Variants in TACC2 observed in about 807,000 individuals in gnomAD.
The protein encoded by TACC2 is transforming acidic coiled-coil containing protein 2, also known as transforming acidic coiled-coil-containing protein 2.
Under a neutral mutation model 227.3 loss-of-function variants are expected in TACC2, and 137 were observed. The ratio of observed to expected loss-of-function variants is 0.60; its 90% confidence interval spans 0.52 to 0.69. TACC2 has a LOEUF of 0.69. Among genes scored for constraint, TACC2 ranks in the 30% least tolerant of loss-of-function variants. The pLI is 0.00. For missense variants in TACC2, 3,470 were observed against 3,694.4 expected (o/e 0.94, Z 1.57); for synonymous variants, 1,523 against 1,487.5 (o/e 1.02, Z -0.55).
intron 5 of TACC2, among the ~76,000 whole-genome samples, chr10:122,128,651 T>G (rs1186691697): frequency 6.6e-6 from 1 of 152,192 alleles, no homozygotes; most frequent in Non-Finnish European, 1.5e-5. Flanking sequence ...TTTCACTGAG[T>G]TATACATGGA....
chr10:122,080,841 C>T (rs2079393951), intron 3 of TACC2, among the ~76,000 whole-genome samples: 1 of 152,178 alleles, frequency 6.6e-6, no homozygotes, highest in East Asian at 1.9e-4. Context: ...CCACTAGCCC[C>T]CTCCAGAACG....
Position 122,039,631 on chromosome 10 carries a change from C to G in TACC2, c.34-10807C>G, listed in dbSNP as rs189991725. 4.4e-3 allele frequency among the ~76,000 whole-genome samples: 676 copies of G among 152,258 alleles called. 2 individuals are homozygous for G. Among genetic ancestry groups the G allele is most frequent in the Non-Finnish European group, 4.9e-3 (334 of 68,028 alleles). On this transcript the variant is annotated intron_variant, in intron 2 of 22. Coordinates refer to ENST00000369005, the MANE Select transcript of TACC2 (RefSeq NM_206862.4). Reference sequence around the variant, plus strand: ...ACAACAGGACCTCTCCTCGGAGCCTCTAGGCAGTGAGCCGGCAGTTTATTT... The same window carrying G: ...ACAACAGGACCTCTCCTCGGAGCCTGTAGGCAGTGAGCCGGCAGTTTATTT...
chr10:122,003,803 CT>C (rs1954717338), intron 1 of TACC2, among the ~76,000 whole-genome samples: 1 of 151,912 alleles, frequency 6.6e-6, no homozygotes, highest in South Asian at 2.1e-4. Context: ...CTACAGGTGC[CT>C]GCCACCATGC....
At chr10:122,163,479 T>G in intron 7 of TACC2, 1 of 785,726 alleles carries the variant, frequency 1.3e-6, no homozygotes, top group Non-Finnish European at 1.5e-6. Flanking sequence ...GGTCTTCGCC[T>G]CCCCACCCCC....
chr10:122,063,755 T>G (rs2077087795), intron 3 of TACC2, among the ~76,000 whole-genome samples: 1 of 151,770 alleles, frequency 6.6e-6, no homozygotes, highest in Non-Finnish European at 1.5e-5. Context: ...CTATATTTTG[T>G]TAGGTGGTAT....
rs530514027 is a variant in TACC2 at position 121,998,555 on chromosome 10, G to A, written c.-46+9067G>A. Among the ~76,000 whole-genome samples, 305 of 152,216 alleles carry A rather than the reference G, an allele frequency of 2.0e-3. 4 individuals are homozygous for A. Among genetic ancestry groups the A allele is most frequent in the Non-Finnish European group, 2.9e-3 (197 of 68,008 alleles). On this transcript the variant is annotated intron_variant, in intron 1 of 22. Transcript: ENST00000369005. ...TCAAGATAGCCACCACCTTGCCAACGTTTCGTAAGTGTTATTAATGAGGGT... is the reference window on the plus strand; with the variant it reads ...TCAAGATAGCCACCACCTTGCCAACATTTCGTAAGTGTTATTAATGAGGGT...
In TACC2 at chr10:122,180,110, C is replaced by T. The variant is rs189615756; in HGVS notation, c.5835-14930C>T. ...CAAAAAAACAGGCGAGTCCTTTCCC[C>T]GTGTAACCCTCAGTGGCTTTCAGAC... On this transcript the variant is annotated intron_variant, in intron 7 of 22. Coordinates refer to ENST00000369005, the MANE Select transcript of TACC2 (RefSeq NM_206862.4). The surrounding 1 kb of genome is among the most constrained non-coding windows in gnomAD (Gnocchi z 4.5). Among the ~76,000 whole-genome samples, 267 of 151,900 alleles carry T rather than the reference C, an allele frequency of 1.8e-3. No homozygotes were observed. The highest frequency in any genetic ancestry group is 5.9e-3 in the African/African-American group (243 of 41,416).
chr10:122,105,537 G>T (rs1294171577), intron 5 of TACC2, among the ~76,000 whole-genome samples: 1 of 151,990 alleles, frequency 6.6e-6, no homozygotes, highest in Non-Finnish European at 1.5e-5. Flanking sequence ...ACTGTACCTG[G>T]TGTCTGCTGG....
At chr10:122,115,487 A>C (rs996718396) in intron 5 of TACC2, among the ~76,000 whole-genome samples, 1 of 152,164 alleles carries the variant, frequency 6.6e-6, no homozygotes, top group African/African-American at 2.4e-5. Flanking sequence ...GGAGGATGCT[A>C]TTGGCGTCTA....
chr10:122,040,354 G>A (rs1300601768), intron 2 of TACC2, among the ~76,000 whole-genome samples: 1 of 152,158 alleles, frequency 6.6e-6, no homozygotes, highest in African/African-American at 2.4e-5. Context: ...GATGAGAGCT[G>A]TCTCCACTCG....
intron 8 of TACC2, among the ~76,000 whole-genome samples, chr10:122,207,413 A>G (rs752679408): frequency 6.6e-6 from 1 of 152,164 alleles, no homozygotes; most frequent in Non-Finnish European, 1.5e-5. Context: ...AACCAACACA[A>G]TAAGACAGCC....
Position 122,209,687 on chromosome 10 carries a change from ATTGT to A in TACC2, c.5972-699_5972-696del, listed in dbSNP as rs557785823. Among the ~76,000 whole-genome samples the A allele has an allele frequency of 2.8e-4, 42 of 151,930 alleles. No homozygotes were observed. The highest frequency in any genetic ancestry group is 3.4e-3 in the Middle Eastern group (1 of 292). ...TGTATCACCCTCTGAAATTCTGTAC[ATTGT>A]TTGTTTGTTTTTGAGACAGAGTCTC... is the stretch of plus-strand genomic sequence containing the variant. On this transcript the variant is annotated intron_variant, in intron 8 of 22. Coordinates refer to ENST00000369005, the MANE Select transcript of TACC2 (RefSeq NM_206862.4). The surrounding 1 kb of genome is among the most constrained non-coding windows in gnomAD (Gnocchi z 4.5).
At chr10:122,168,437 G>T (rs1388642321) in intron 7 of TACC2, among the ~76,000 whole-genome samples, 1 of 152,156 alleles carries the variant, frequency 6.6e-6, no homozygotes, top group East Asian at 1.9e-4. Flanking sequence ...AAGCTTGGGT[G>T]CATTTTTCCC....
intron 8 of TACC2, among the ~76,000 whole-genome samples, chr10:122,204,389 C>G (rs1797030324): frequency 6.6e-6 from 1 of 152,192 alleles, no homozygotes. Context: ...AGCCCTTGTG[C>G]TGATGCTGGG....
intron 1 of TACC2, among the ~76,000 whole-genome samples, chr10:122,015,525 A>G (rs2420981): frequency 0.053 from 6,953 of 132,178 alleles, 183 homozygotes; most frequent in Middle Eastern, 0.091. Context: ...ATAAAGAAAC[A>G]AAAAAACTCA....
chr10:122,208,631 C>G (rs568547780), intron 8 of TACC2, among the ~76,000 whole-genome samples: 1 of 152,158 alleles, frequency 6.6e-6, no homozygotes, highest in Admixed American at 6.5e-5. Context: ...AAAGAATCAT[C>G]GAGACATGGG....
At chr10:122,043,662 C>G (rs2074629909) in intron 2 of TACC2, among the ~76,000 whole-genome samples, 1 of 152,080 alleles carries the variant, frequency 6.6e-6, no homozygotes, top group Non-Finnish European at 1.5e-5. Context: ...TTACTGCAAC[C>G]TCCACCTCCC....
chr10:122,008,504 C>T (rs917879198), intron 1 of TACC2, among the ~76,000 whole-genome samples: 1 of 151,928 alleles, frequency 6.6e-6, no homozygotes, highest in African/African-American at 2.4e-5. Context: ...AGGTGATCTG[C>T]CCGCCTTGGC....
Position 122,171,958 on chromosome 10 carries a change from G to A in TACC2, c.5835-23082G>A, listed in dbSNP as rs2093495030. ...TGTTCTAGAGGTCAGTTCCAAGGAA[G>A]GTGGGTGTTTACTGTGTTCAGCCCA... On this transcript the variant is annotated intron_variant, in intron 7 of 22. Coordinates refer to ENST00000369005, the MANE Select transcript of TACC2 (RefSeq NM_206862.4). Among the ~76,000 whole-genome samples the A allele has an allele frequency of 2.6e-5, 4 of 152,326 alleles. No homozygotes were observed. The South Asian group carries it at 8.3e-4, about 32-fold the overall frequency.
Sources: gnomAD v4.1 joint callset for allele counts (sites outside exome capture counted in the v4.1 genomes callset) on GRCh38, gnomAD v4.1.1 for gene constraint, Gnocchi (gnomAD v3.1) non-coding constraint, MANE v1.5 for transcripts, NCBI Gene and HGNC (gene_info 2026-07-23, HGNC 2026-07-21) for gene names.